The following PCDH11X variants were observed in gnomAD, a reference collection of about 807,000 sequenced individuals.
PCDH11X encodes protocadherin-11 X-linked.
PCDH11X carries 18 observed loss-of-function variants against 53.3 expected under a neutral mutation model. That is an observed-to-expected ratio of 0.34 (90% CI 0.23 to 0.50). The LOEUF (loss-of-function observed/expected upper bound fraction) is 0.50. PCDH11X is among the 20% of genes least tolerant of loss of function. PCDH11X has a pLI of 0.98. For synonymous variants in PCDH11X, 279 were observed against 393.3 expected, an observed-to-expected ratio of 0.71 and a Z score of 3.44; for missense variants, 570 against 1,032.4, an observed-to-expected ratio of 0.55 and a Z score of 6.14.
chrX:92,391,419 T>C (rs1173149290), intron 9 of PCDH11X, among the ~76,000 whole-genome samples: 5 of 108,230 alleles, frequency 4.6e-5, no homozygotes, highest in African/African-American at 1.7e-4. Flanking sequence ...AGGTATAGTG[T>C]TAACTCAAAG....
At chrX:92,502,939 A>G (rs1179273977) in intron 10 of PCDH11X, among the ~76,000 whole-genome samples, 1 of 109,425 alleles carries the variant, frequency 9.1e-6, no homozygotes, top group Non-Finnish European at 1.9e-5. Flanking sequence ...GAGTGAACAG[A>G]TAGCCTACAG....
intron 6 of PCDH11X, among the ~76,000 whole-genome samples, chrX:92,048,346 T>C: frequency 9.1e-6 from 1 of 110,425 alleles, no homozygotes; most frequent in Non-Finnish European, 1.9e-5. Flanking sequence ...TTTAAAACTT[T>C]GAGACGAAAG....
At chrX:92,326,938 T>C (rs1289645421) in intron 8 of PCDH11X, among the ~76,000 whole-genome samples, 2 of 109,151 alleles carry the variant, frequency 1.8e-5, no homozygotes, top group African/African-American at 6.7e-5. Flanking sequence ...TATAAAACAT[T>C]CCAATATGAA....
chrX:91,853,534 A>C (rs987186538), intron 5 of PCDH11X, among the ~76,000 whole-genome samples: 1 of 110,099 alleles, frequency 9.1e-6, no homozygotes, highest in Non-Finnish European at 1.9e-5. Flanking sequence ...TTCAATAGTA[A>C]AATCATTATT....
intron 5 of PCDH11X, among the ~76,000 whole-genome samples, chrX:91,847,850 T>A (rs1359614204): frequency 8.9e-6 from 1 of 112,269 alleles, no homozygotes; most frequent in Non-Finnish European, 1.9e-5. Context: ...AAAACAGGCA[T>A]AATTGCATTT....
chrX:92,621,560 T>C lies in PCDH11X; in HGVS notation c.*2620T>C, dbSNP rs1032782687. On this transcript the variant is annotated 3_prime_UTR_variant, in exon 11 of 11. Transcript: ENST00000682573. The stretch of plus-strand genomic sequence containing the variant: ...GAGGCAAGGGGTATTAGCCCAGTTA[T>C]TCTCCCCTATGCCTTCCTTCTCTTT... 1 of 110,891 alleles carries C rather than the reference T, an allele frequency of 9.0e-6. No individual in the cohort carries two copies. Among genetic ancestry groups the C allele is most frequent in the Non-Finnish European group, 1.9e-5 (1 of 52,967 alleles). 9.1% of individuals were successfully genotyped at this position (110,891 alleles called of 1,213,427 possible).
At chrX:92,155,705 C>A (rs2065520286) in intron 6 of PCDH11X, among the ~76,000 whole-genome samples, 1 of 105,603 alleles carries the variant, frequency 9.5e-6, no homozygotes, top group Admixed American at 1.0e-4. Flanking sequence ...CGGCTCACTG[C>A]AAGCTCCACC....
intron 8 of PCDH11X, among the ~76,000 whole-genome samples, chrX:92,370,563 G>A (rs2070596311): frequency 9.3e-6 from 1 of 107,021 alleles, no homozygotes; most frequent in South Asian, 4.2e-4. Context: ...AGGTTCAAGC[G>A]ATTCTCCTGC....
intron 6 of PCDH11X, among the ~76,000 whole-genome samples, chrX:92,082,197 T>A (rs1471376324): frequency 9.1e-6 from 1 of 109,374 alleles, no homozygotes; most frequent in African/African-American, 3.3e-5. Flanking sequence ...ATTGAATAGG[T>A]TTTAAACACT....
chrX:92,388,201 A>G (rs1367230676), intron 9 of PCDH11X, among the ~76,000 whole-genome samples: 1 of 111,846 alleles, frequency 8.9e-6, no homozygotes, highest in Non-Finnish European at 1.9e-5. Flanking sequence ...GTACACCTGT[A>G]TATTTATTTG....
intron 1 of PCDH11X, among the ~76,000 whole-genome samples, chrX:91,808,317 A>T (rs1025597956): frequency 1.8e-5 from 2 of 108,258 alleles, no homozygotes; most frequent in African/African-American, 6.7e-5. Context: ...CAACACGGTG[A>T]AACCCTGTCT....
intron 9 of PCDH11X, among the ~76,000 whole-genome samples, chrX:92,399,887 A>G (rs1363730765): frequency 5.1e-5 from 5 of 98,410 alleles, no homozygotes; most frequent in Non-Finnish European, 8.1e-5. Context: ...GACTACAGGC[A>G]CTGGCCACCA....
At chrX:91,982,286 G>T (rs1407765932) in intron 6 of PCDH11X, among the ~76,000 whole-genome samples, 2 of 107,289 alleles carry the variant, frequency 1.9e-5, no homozygotes, top group Admixed American at 2.0e-4. Context: ...ATCAGTTAGG[G>T]TTAGGAAACC....
At chrX:92,480,174 T>C (rs2073472658) in intron 10 of PCDH11X, among the ~76,000 whole-genome samples, 1 of 111,869 alleles carries the variant, frequency 8.9e-6, no homozygotes, top group Admixed American at 9.5e-5. Context: ...ATGAAATTTT[T>C]GTAGTGTGTT....
At chrX:92,535,937 C>A (rs898226172) in intron 10 of PCDH11X, among the ~76,000 whole-genome samples, 43 of 107,489 alleles carry the variant, frequency 4.0e-4, no homozygotes, top group African/African-American at 1.4e-3. Flanking sequence ...TTTCAGAGTT[C>A]ATCCTTTCAA....
At chrX:92,185,058 T>C (rs1215905445) in intron 6 of PCDH11X, among the ~76,000 whole-genome samples, 1 of 110,596 alleles carries the variant, frequency 9.0e-6, no homozygotes, top group Non-Finnish European at 1.9e-5. Context: ...GCAGCGTCCC[T>C]TTTGCTATGT....
chrX:91,922,910 C>A (rs749399752), intron 6 of PCDH11X, among the ~76,000 whole-genome samples: 1 of 111,131 alleles, frequency 9.0e-6, no homozygotes, highest in Non-Finnish European at 1.9e-5. Flanking sequence ...CTCTTGCTAA[C>A]TTTTAAGGCA....
chrX:92,483,955 C>A (rs1295874951), intron 10 of PCDH11X, among the ~76,000 whole-genome samples: 1 of 107,241 alleles, frequency 9.3e-6, no homozygotes, highest in Non-Finnish European at 1.9e-5. Flanking sequence ...TGGGTATCTA[C>A]CCAGAGGAAA....
At chrX:91,992,313 G>T (rs760485788) in intron 6 of PCDH11X, among the ~76,000 whole-genome samples, 36 of 107,465 alleles carry the variant, frequency 3.3e-4, no homozygotes, top group African/African-American at 1.2e-3. Context: ...TACTGTAGTC[G>T]CTTCAGTCAT....
Sources: gnomAD v4.1 joint callset for allele counts (sites outside exome capture counted in the v4.1 genomes callset) on GRCh38, gnomAD v4.1.1 for gene constraint, MANE v1.5 for transcripts, NCBI Gene and HGNC (gene_info 2026-07-23, HGNC 2026-07-21) for gene names.